MYO18B: variants seen among roughly 807,000 people sequenced by gnomAD.
The protein encoded by MYO18B is myosin XVIIIB.
In MYO18B, 204 loss-of-function variants were observed where a neutral mutation model predicts 273.0. That is an observed-to-expected ratio of 0.75 (90% confidence interval 0.67 to 0.84). The LOEUF (loss-of-function observed/expected upper bound fraction) is 0.84, where lower values mean the gene tolerates loss of function less well. Ranked by LOEUF, MYO18B falls within the 40% of genes least tolerant of loss-of-function variation. The pLI is 0.00. For missense variants in MYO18B, 3,212 were observed against 3,287.6 expected (o/e 0.98, Z 0.56); for synonymous variants, 1,330 against 1,305.7 (o/e 1.02, Z -0.40).
chr22:25,978,969 T>A (rs1447917847), intron 39 of MYO18B, among the ~76,000 whole-genome samples: 1 of 152,084 alleles, frequency 6.6e-6, no homozygotes, highest in Admixed American at 6.6e-5. Context: ...ACTATCTGAA[T>A]CTTTAGGAGA....
At chr22:25,743,434 G>T (rs1157320611) in intron 1 of MYO18B, among the ~76,000 whole-genome samples, 1 of 151,988 alleles carries the variant, frequency 6.6e-6, no homozygotes, top group Non-Finnish European at 1.5e-5. Flanking sequence ...CTATGGATGA[G>T]TTCTAGAAAA....
Position 25,946,222 on chromosome 22 carries a change from T to C in MYO18B, c.5603T>C (p.Leu1868Pro). ...TADLESMHSE[L>P]ENMTRNKSLV... ...GACCTGGAGAGCATGCACAGCGAGC[T>C]GGAGAACATGACGCGGAACAAGAGC... The change falls in exon 35 of 44, where the codon CTG (leucine) becomes CCG (proline). Residue 1868 changes from leucine (L) to proline (P), a missense_variant. Coordinates refer to ENST00000335473, the MANE Select transcript of MYO18B (RefSeq NM_032608.7). The C allele has an allele frequency of 6.3e-7, 1 of 1,580,270 alleles. No homozygotes were observed. Among genetic ancestry groups the C allele is most frequent in the Non-Finnish European group, 8.6e-7 (1 of 1,164,842 alleles).
At chr22:26,000,828 C>G (rs1022419354) in intron 40 of MYO18B, among the ~76,000 whole-genome samples, 2 of 152,152 alleles carry the variant, frequency 1.3e-5, no homozygotes, top group Non-Finnish European at 2.9e-5. Flanking sequence ...CATGAATGAA[C>G]AAACAGACCA....
chr22:25,845,949 A>C, intron 18 of MYO18B, 151 bp from the exon 19 acceptor site: 2 of 646,752 alleles, frequency 3.1e-6, no homozygotes, highest in South Asian at 5.2e-5. Flanking sequence ...CTGTGAATGA[A>C]GGGGAGCAGC....
At chr22:25,919,939 C>G (rs1213214140) in intron 33 of MYO18B, among the ~76,000 whole-genome samples, 1 of 152,106 alleles carries the variant, frequency 6.6e-6, no homozygotes, top group Non-Finnish European at 1.5e-5. Flanking sequence ...ACATCTGATC[C>G]TTGTCTTATC....
At chr22:25,961,730 C>T (rs1385817706) in intron 39 of MYO18B, among the ~76,000 whole-genome samples, 7 of 152,144 alleles carry the variant, frequency 4.6e-5, no homozygotes, top group Non-Finnish European at 1.0e-4. Flanking sequence ...CTGACTTCGG[C>T]CTGCCAGATG....
At chr22:26,011,704 A>G (rs898147645) in intron 42 of MYO18B, among the ~76,000 whole-genome samples, 1 of 152,208 alleles carries the variant, frequency 6.6e-6, no homozygotes, top group African/African-American at 2.4e-5. Flanking sequence ...TCACATAATT[A>G]GTGATGCTGT....
At chr22:25,877,669 T>C (rs562938980) in intron 24 of MYO18B, among the ~76,000 whole-genome samples, 1 of 152,226 alleles carries the variant, frequency 6.6e-6, no homozygotes, top group East Asian at 1.9e-4. Flanking sequence ...GGTTTCTCCA[T>C]GTTGGTCAGG....
chr22:25,808,617 C>T (rs8139428), intron 12 of MYO18B, among the ~76,000 whole-genome samples: 50,870 of 151,946 alleles, frequency 0.33, 8,872 homozygotes, highest in African/African-American at 0.44. Context: ...CATCCAGTCC[C>T]CAATTTGGAA....
In MYO18B at chr22:25,835,496, A is replaced by G. The variant is rs920983674; in HGVS notation, c.3208+53A>G. On this transcript the variant is annotated intron_variant, in intron 17 of 43. Coordinates refer to ENST00000335473, the MANE Select transcript of MYO18B (RefSeq NM_032608.7). ...GCCTGAGTCCAGCCTGGGTATTAGA[A>G]TCTGTTCTTCTCTGCTGCAGGGAAA... 66 of 1,607,320 alleles carry G rather than the reference A, an allele frequency of 4.1e-5. No individual in the cohort carries two copies. In the South Asian group the frequency reaches 6.7e-4, roughly 16 times the overall value.
chr22:25,745,489 A>C (rs2085751891), intron 1 of MYO18B, among the ~76,000 whole-genome samples: 1 of 151,504 alleles, frequency 6.6e-6, no homozygotes, highest in Non-Finnish European at 1.5e-5. Context: ...ACACACACAC[A>C]CACACACACA....
the MYO18B span, among the ~76,000 whole-genome samples, chr22:26,045,287 T>C: frequency 6.6e-6 from 1 of 152,026 alleles, no homozygotes; most frequent in South Asian, 2.1e-4. Flanking sequence ...GACCTGCCAA[T>C]AGCCAGCAAG....
At chr22:25,784,331 C>T (rs1049759017) in intron 10 of MYO18B, among the ~76,000 whole-genome samples, 3 of 152,212 alleles carry the variant, frequency 2.0e-5, no homozygotes, top group Non-Finnish European at 4.4e-5. Context: ...GAAAACAGAG[C>T]ACTTACTCCA....
At chr22:25,923,686 C>G (rs546194715) in intron 34 of MYO18B, among the ~76,000 whole-genome samples, 1 of 152,252 alleles carries the variant, frequency 6.6e-6, no homozygotes, top group South Asian at 2.1e-4. Flanking sequence ...TCTAGGTAGG[C>G]AGAGTTGCTG....
chr22:25,808,419 A>G (rs2088583074), intron 12 of MYO18B, among the ~76,000 whole-genome samples: 1 of 152,164 alleles, frequency 6.6e-6, no homozygotes, highest in Non-Finnish European at 1.5e-5. Flanking sequence ...AGGATCTTGC[A>G]ATCTTTGTCA....
chr22:25,839,099 T>C (rs2145972626), intron 17 of MYO18B, among the ~76,000 whole-genome samples: 1 of 148,434 alleles, frequency 6.7e-6, no homozygotes, highest in East Asian at 1.9e-4. Context: ...TGTATACGTG[T>C]GTGCGTGTGT....
At chr22:26,036,228 T>G in the MYO18B span, among the ~76,000 whole-genome samples, 1 of 152,232 alleles carries the variant, frequency 6.6e-6, no homozygotes, top group African/African-American at 2.4e-5. Flanking sequence ...TCCCACTCCC[T>G]GGACCTGGTT....
intron 7 of MYO18B, among the ~76,000 whole-genome samples, chr22:25,775,890 A>G (rs2086895824): frequency 6.6e-6 from 1 of 152,070 alleles, no homozygotes; most frequent in Admixed American, 6.5e-5. Context: ...GACTTAAAAA[A>G]AAAAAAAATC....
Position 25,868,518 on chromosome 22 carries a change from G to A in MYO18B, c.3951+133G>A, listed in dbSNP as rs1007860654. On this transcript the variant is annotated intron_variant, in intron 22 of 43. Transcript: ENST00000335473. ...TTCCCAAACTGAAGGTAGAGCTAAT[G>A]ATTTTCTGCCCTGCCTATCTTACAA... 5.6e-6 allele frequency: 4 copies of A among 716,298 alleles called. No individual in the cohort carries two copies. In the African/African-American group the frequency reaches 7.1e-5, roughly 13 times the overall value. 44.4% of individuals were successfully genotyped at this position (716,298 alleles called of 1,614,324 possible).
Sources: gnomAD v4.1 joint callset for allele counts (sites outside exome capture counted in the v4.1 genomes callset) on GRCh38, gnomAD v4.1.1 for gene constraint, MANE v1.5 for transcripts, NCBI Gene and HGNC (gene_info 2026-07-23, HGNC 2026-07-21) for gene names.